The following PPP4R3A variants were observed in gnomAD, a reference collection of about 807,000 sequenced individuals.
The protein encoded by PPP4R3A is protein phosphatase 4 regulatory subunit 3A, also known as serine/threonine-protein phosphatase 4 regulatory subunit 3A.
In PPP4R3A, 15 loss-of-function variants were observed where a neutral mutation model predicts 91.7. The ratio of observed to expected loss-of-function variants is 0.16; its 90% CI spans 0.11 to 0.25. The LOEUF is 0.25. Ranked by LOEUF, PPP4R3A falls within the 10% of genes least tolerant of loss-of-function variation. The pLI, the probability that PPP4R3A is intolerant of heterozygous loss-of-function variation, is 1.00. For synonymous variants in PPP4R3A, 377 were observed against 348.7 expected (o/e 1.08, Z -0.91); for missense variants, 623 against 998.4 (o/e 0.62, Z 5.07).
chr14:91,457,774 A>G lies in PPP4R3A; in HGVS notation c.*985T>C, dbSNP rs1200140319. The G allele has an allele frequency of 6.6e-6, 1 of 152,642 alleles. No individual in the cohort carries two copies. Among genetic ancestry groups the G allele is most frequent in the Non-Finnish European group, 1.5e-5 (1 of 68,030 alleles). The allele number at this position is 152,642 out of a possible 1,614,324, so 9.5% of individuals were successfully genotyped here. A position where few individuals can be genotyped will look rare whatever the true frequency, so the allele number is the denominator to read the frequency against. ...GTTTCTAGATTTAACAAAACTGTTGAAGTTTTAAATTCCATTCTATTTCCC... is the reference window on the plus strand; with the variant it reads ...GTTTCTAGATTTAACAAAACTGTTGGAGTTTTAAATTCCATTCTATTTCCC... On this transcript the variant is annotated 3_prime_UTR_variant, in exon 15 of 15. Coordinates refer to ENST00000554943, the MANE Select transcript of PPP4R3A (RefSeq NM_001366432.2).
chr14:91,461,550 C>T lies in PPP4R3A; in HGVS notation c.2222G>A (p.Ser741Asn). The T allele has an allele frequency of 6.2e-7, 1 of 1,614,040 alleles. No individual in the cohort carries two copies. The highest frequency in any genetic ancestry group is 2.2e-5 in the East Asian group (1 of 44,886). Reference protein sequence around the residue: ...LLKTNLSGRQSPSFKLSLSSG... With the variant: ...LLKTNLSGRQNPSFKLSLSSG... ...GGACAGGGAAAGCTTGAAACTTGGG[C>T]TCTGCCGTCCAGAAAGGTTTGTTTT... is the stretch of plus-strand genomic sequence containing the variant. The change falls in exon 14 of 15, where the codon AGC becomes AAC. Residue 741 changes from serine to asparagine, a missense_variant. By Grantham distance (46) the Ser-to-Asn change is conservative. Transcript: ENST00000554943.
At chr14:91,484,687 C>T (rs778329240) in intron 3 of PPP4R3A, among the ~76,000 whole-genome samples, 2 of 152,072 alleles carry the variant, frequency 1.3e-5, no homozygotes, top group African/African-American at 2.4e-5. Context: ...GGGAGGGGTG[C>T]TAGTCTCAGA....
At chr14:91,460,282 G>C (rs977648313) in intron 14 of PPP4R3A, among the ~76,000 whole-genome samples, 1 of 152,078 alleles carries the variant, frequency 6.6e-6, no homozygotes, top group African/African-American at 2.4e-5. Context: ...CAAAGCACTG[G>C]GATTACGGGC....
intron 10 of PPP4R3A, among the ~76,000 whole-genome samples, chr14:91,468,162 C>G (rs1888592657): frequency 6.6e-6 from 1 of 152,168 alleles, no homozygotes; most frequent in Non-Finnish European, 1.5e-5. Context: ...TAACCTGACT[C>G]AGTTTGGAAA....
intron 14 of PPP4R3A, 130 bp from the exon 15 acceptor site, chr14:91,458,999 G>T: frequency 1.0e-6 from 1 of 1,003,170 alleles, no homozygotes; most frequent in Non-Finnish European, 1.4e-6. Context: ...TGGTGGGACT[G>T]TGTTAAACTT....
chr14:91,501,768 G>A lies in PPP4R3A; in HGVS notation c.142+7738C>T, dbSNP rs146747546. ...CACCCAGGCTGAAGTGCAGTGGCGCGATCTTGGCTCACTGCAAGCTCCGCC... is the reference window on the plus strand; with the variant it reads ...CACCCAGGCTGAAGTGCAGTGGCGCAATCTTGGCTCACTGCAAGCTCCGCC... On this transcript the variant is annotated intron_variant, in intron 1 of 14. Transcript: ENST00000554943. Among the ~76,000 whole-genome samples, 813 of 150,338 alleles carry A rather than the reference G, an allele frequency of 5.4e-3. 6 individuals carry two copies. The highest frequency in any genetic ancestry group is 0.019 in the African/African-American group (771 of 40,876).
chr14:91,469,090 A>C (rs1049416773), intron 10 of PPP4R3A, among the ~76,000 whole-genome samples: 1 of 144,866 alleles, frequency 6.9e-6, no homozygotes, highest in Admixed American at 7.2e-5. Context: ...TAACCCATTC[A>C]TGCTAGAGGT....
rs1887910177 is a variant in PPP4R3A at position 91,458,557 on chromosome 14, C to CTTAAGTCTTT, written c.*192_*201dup. ...TGGTCCAAGCTGGAGAGCTCAAAGG[C>CTTAAGTCTTT]TTAAGTCTTTCCCCTAAATATATGA... On this transcript the variant is annotated 3_prime_UTR_variant, in exon 15 of 15. Transcript: ENST00000554943. 1 of 752,334 alleles carries CTTAAGTCTTT rather than the reference C, an allele frequency of 1.3e-6. No individual in the cohort carries two copies. Among genetic ancestry groups the CTTAAGTCTTT allele is most frequent in the Non-Finnish European group, 2.3e-6 (1 of 435,530 alleles). The allele number at this position is 752,334 out of a possible 1,614,324, so 46.6% of individuals were successfully genotyped here.
chr14:91,497,212 T>C (rs926804585), intron 1 of PPP4R3A, among the ~76,000 whole-genome samples: 2 of 152,136 alleles, frequency 1.3e-5, no homozygotes, highest in African/African-American at 2.4e-5. Flanking sequence ...ATAACAGTTA[T>C]GTCTAGTGGA....
In PPP4R3A at chr14:91,483,907, C is replaced by T. The variant is rs569074116; in HGVS notation, c.298-1714G>A. On this transcript the variant is annotated intron_variant, in intron 3 of 14. Coordinates refer to ENST00000554943, the MANE Select transcript of PPP4R3A (RefSeq NM_001366432.2). ...AATATTAAAGGAGAGCCAGGCATGA[C>T]AATGACAAAGTGAGTTCAGGTTTGA... 7.2e-5 allele frequency among the ~76,000 whole-genome samples: 11 copies of T among 152,262 alleles called. No homozygotes were observed. The East Asian group carries it at 2.1e-3, about 29-fold the overall frequency.
intron 10 of PPP4R3A, among the ~76,000 whole-genome samples, chr14:91,468,888 A>G (rs1888661521): frequency 6.6e-6 from 1 of 151,878 alleles, no homozygotes; most frequent in Non-Finnish European, 1.5e-5. Context: ...TATGCATCCA[A>G]ACACACCTCA....
At chr14:91,482,833 AT>A (rs1889653661) in intron 3 of PPP4R3A, among the ~76,000 whole-genome samples, 1 of 152,210 alleles carries the variant, frequency 6.6e-6, no homozygotes, top group South Asian at 2.1e-4. Flanking sequence ...CAAACACAGG[AT>A]TTAAAAAACA....
intron 11 of PPP4R3A, among the ~76,000 whole-genome samples, chr14:91,463,786 G>A (rs1353669227): frequency 3.3e-5 from 5 of 152,050 alleles, no homozygotes; most frequent in Non-Finnish European, 5.9e-5. Flanking sequence ...GGTTCAGGGG[G>A]TCCATGTGCG....
intron 10 of PPP4R3A, 30 bp from the exon 11 acceptor site, chr14:91,465,449 C>A: frequency 1.3e-6 from 2 of 1,536,392 alleles, no homozygotes; most frequent in South Asian, 1.3e-5. Flanking sequence ...TTGTTTAAAT[C>A]ACATACCACT....
Position 91,509,613 on chromosome 14 carries a change from G to A in PPP4R3A, c.35C>T (p.Thr12Met), listed in dbSNP as rs774324266. ...TDTRRRVKVY[T>M]LNEDRQWDDR... ...GTCCCACTGCCGGTCCTCGTTGAGCGTGTACACCTTCACCCGCCGCCGGGT... is the reference window on the plus strand; with the variant it reads ...GTCCCACTGCCGGTCCTCGTTGAGCATGTACACCTTCACCCGCCGCCGGGT... Residue 12 changes from threonine (T) to methionine (M), a missense_variant, in exon 1 of 15, where the codon ACG becomes ATG. Physicochemically the swap from Thr to Met is moderately conservative, Grantham distance 81. Coordinates refer to ENST00000554943, the MANE Select transcript of PPP4R3A (RefSeq NM_001366432.2). The A allele has an allele frequency of 6.2e-7, 1 of 1,602,458 alleles. No homozygotes were observed. The highest frequency in any genetic ancestry group is 2.2e-5 in the East Asian group (1 of 44,830).
At chr14:91,506,778 G>A (rs1196198210) in intron 1 of PPP4R3A, among the ~76,000 whole-genome samples, 3 of 151,882 alleles carry the variant, frequency 2.0e-5, no homozygotes, top group Non-Finnish European at 4.4e-5. Flanking sequence ...TTGAACTCCC[G>A]AGCCCACACA....
chr14:91,475,918 A>G lies in PPP4R3A; in HGVS notation c.1159T>C (p.Tyr387His), dbSNP rs1889173924. 1.2e-6 allele frequency: 2 copies of G among 1,612,158 alleles called. No individual in the cohort carries two copies. The highest frequency in any genetic ancestry group is 1.3e-5 in the African/African-American group (1 of 74,884). ...VRSAATDIFSYLVEYNPSMVR... is the reference protein window; with the variant it reads ...VRSAATDIFSHLVEYNPSMVR... The stretch of plus-strand genomic sequence containing the variant: ...ATGGATGGATTATATTCAACCAAGT[A>G]TGAGAATATATCAGTAGCAGCACTT... Residue 387 changes from tyrosine (Y) to histidine (H), a missense_variant, in exon 7 of 15, where the codon TAC (tyrosine) becomes CAC (histidine). Tyr to His is a moderately conservative substitution (Grantham distance 83). Coordinates refer to ENST00000554943, the MANE Select transcript of PPP4R3A (RefSeq NM_001366432.2).
At chr14:91,465,883 T>C (rs1468680609) in intron 10 of PPP4R3A, among the ~76,000 whole-genome samples, 1 of 152,216 alleles carries the variant, frequency 6.6e-6, no homozygotes, top group Non-Finnish European at 1.5e-5. Flanking sequence ...TTGTAGTTCA[T>C]GGAATTTTAT....
At chr14:91,459,913 T>TTTATTAGAGGTTAGGAAAGCAGTTC (rs1294938397) in intron 14 of PPP4R3A, among the ~76,000 whole-genome samples, 2 of 151,994 alleles carry the variant, frequency 1.3e-5, no homozygotes, top group Non-Finnish European at 2.9e-5. Flanking sequence ...GCTTTTTCTA[T>TTTATTAGAGGTTAGGAAAGCAGTTC]TTATTAGAGG....
Sources: allele counts gnomAD v4.1 joint callset (sites outside exome capture counted in the v4.1 genomes callset), GRCh38; gene constraint gnomAD v4.1.1; transcripts MANE v1.5; gene names NCBI Gene and HGNC (gene_info 2026-07-23, HGNC 2026-07-21).